The following DNTTIP2 variants were observed in gnomAD, a reference collection of about 807,000 sequenced individuals.
DNTTIP2 encodes deoxynucleotidyltransferase terminal interacting protein 2, also known as deoxynucleotidyltransferase terminal-interacting protein 2.
In DNTTIP2, 47 loss-of-function variants were observed where a neutral mutation model predicts 62.4. The ratio of observed to expected loss-of-function variants is 0.75; its 90% CI spans 0.60 to 0.96. The LOEUF is 0.96. DNTTIP2 is among the 40% of genes least tolerant of loss of function. DNTTIP2 has a pLI of 0.00. For missense variants in DNTTIP2, 870 were observed against 849.1 expected (o/e 1.02, Z -0.31); for synonymous variants, 322 against 300.9 (o/e 1.07, Z -0.73).
Position 93,867,069 on chromosome 1 carries a change from G to A in DNTTIP2, c.*2782C>T, listed in dbSNP as rs1220948180. ...CTGAGGCAGAATTGCTTGAACCCGG[G>A]AGGCGGAGGTTGCAGTGAACCAAGA... On this transcript the variant is annotated 3_prime_UTR_variant, in exon 7 of 7. Transcript: ENST00000436063. 1 of 149,936 alleles carries A rather than the reference G, an allele frequency of 6.7e-6. No homozygotes were observed. Among genetic ancestry groups the A allele is most frequent in the Non-Finnish European group, 1.5e-5 (1 of 67,760 alleles). The allele number at this position is 149,936 out of a possible 1,614,324, so 9.3% of individuals were successfully genotyped here. A position where few individuals can be genotyped will look rare whatever the true frequency, so the allele number is the denominator to read the frequency against.
Position 93,869,779 on chromosome 1 carries a change from G to T in DNTTIP2, c.*72C>A, listed in dbSNP as rs200223633. Reference sequence around the variant, plus strand: ...ATGGTAAATTAATTTAGATGATGGTGTTAGTTTTCCAAACGTCTTTAATAA... The same window carrying T: ...ATGGTAAATTAATTTAGATGATGGTTTTAGTTTTCCAAACGTCTTTAATAA... On this transcript the variant is annotated 3_prime_UTR_variant, in exon 7 of 7. Transcript: ENST00000436063. The T allele has an allele frequency of 4.1e-6, 3 of 726,096 alleles. No homozygotes were observed. Among genetic ancestry groups the T allele is most frequent in the Non-Finnish European group, 7.7e-6 (3 of 387,992 alleles). 45.0% of individuals were successfully genotyped at this position (726,096 alleles called of 1,614,324 possible).
In DNTTIP2 at chr1:93,870,797, G is replaced by A. The variant is rs1191161049; in HGVS notation, c.2068-5C>T. 1 of 1,496,090 alleles carries A rather than the reference G, an allele frequency of 6.7e-7. No individual in the cohort carries two copies. The highest frequency in any genetic ancestry group is 9.0e-7 in the Non-Finnish European group (1 of 1,105,218). 92.7% of individuals were successfully genotyped at this position (1,496,090 alleles called of 1,614,324 possible). On this transcript the variant is annotated splice_region_variant and splice_polypyrimidine_tract_variant and intron_variant, in intron 5 of 6. Transcript: ENST00000436063. ...ATTGTCAACAATGGTTCCAATCTGT[G>A]AACAATTGATTGAAATAAGTCATGC...
In DNTTIP2 at chr1:93,867,948, C is replaced by A. The variant is rs1009829435; in HGVS notation, c.*1903G>T. 6.6e-6 allele frequency: 1 copy of A among 152,050 alleles called. No homozygotes were observed. Among genetic ancestry groups the A allele is most frequent in the Non-Finnish European group, 1.5e-5 (1 of 68,020 alleles). The allele number at this position is 152,050 out of a possible 1,614,324, so 9.4% of individuals were successfully genotyped here. Reference sequence around the variant, plus strand: ...ATGAGATTTTGGACATAGGTATGGGCAGACTGCATGACTAAAACACCAAAA... The same window carrying A: ...ATGAGATTTTGGACATAGGTATGGGAAGACTGCATGACTAAAACACCAAAA... On this transcript the variant is annotated 3_prime_UTR_variant, in exon 7 of 7. Transcript: ENST00000436063.
rs1165633984 is a variant in DNTTIP2, at chr1:93,869,223, A to G, written c.*628T>C. The G allele has an allele frequency of 2.6e-5, 4 of 152,112 alleles. No homozygotes were observed. Among genetic ancestry groups the G allele is most frequent in the Non-Finnish European group, 4.4e-5 (3 of 68,044 alleles). 9.4% of individuals were successfully genotyped at this position (152,112 alleles called of 1,614,324 possible). A position where few individuals can be genotyped will look rare whatever the true frequency, so the allele number is the denominator to read the frequency against. ...CCCTGGCCAACTTAAATTATAGTTT[A>G]ATCCTGTTTTACTTGGACCACAACA... On this transcript the variant is annotated 3_prime_UTR_variant, in exon 7 of 7. Coordinates refer to ENST00000436063, the MANE Select transcript of DNTTIP2 (RefSeq NM_014597.5).
In DNTTIP2 at chr1:93,873,168, CAG is replaced by C; in HGVS notation, c.1851_1852del (p.His617GlnfsTer6). 1 of 1,612,880 alleles carries C rather than the reference CAG, an allele frequency of 6.2e-7. No homozygotes were observed. Among genetic ancestry groups the C allele is most frequent in the Non-Finnish European group, 8.5e-7 (1 of 1,179,360 alleles). On this transcript the variant is annotated frameshift_variant, in exon 4 of 7. Coordinates refer to ENST00000436063, the MANE Select transcript of DNTTIP2 (RefSeq NM_014597.5). LOFTEE classifies it high-confidence loss of function. ...CTTTGATTCACTATATGGTGGAACA[CAG>C]TGGTTTTTTTCAAAATCAGGTGTAA...
In DNTTIP2 at chr1:93,876,857, T is replaced by C. The variant is rs1338127405; in HGVS notation, c.1078A>G (p.Met360Val). ...GCAAATGTTTGAGTTAATGATTTCA[T>C]TACAGCCTCAGAGTTCAGATTAGAG... ...VHSNLNSEAV[M>V]KSLTQTFATV... Residue 360 changes from methionine to valine, a missense_variant, in exon 2 of 7, where the codon ATG becomes GTG. Physicochemically the swap from Met to Val is conservative, Grantham distance 21. Transcript: ENST00000436063. The C allele has an allele frequency of 6.2e-7, 1 of 1,613,898 alleles. No individual in the cohort carries two copies. The highest frequency in any genetic ancestry group is 8.5e-7 in the Non-Finnish European group (1 of 1,179,890).
Position 93,877,881 on chromosome 1 carries a change from A to G in DNTTIP2, c.73-19T>C, listed in dbSNP as rs1378091911. 2 of 1,592,548 alleles carry G rather than the reference A, an allele frequency of 1.3e-6. No homozygotes were observed. The highest frequency in any genetic ancestry group is 1.7e-6 in the Non-Finnish European group (2 of 1,175,980). ...CAAAACTCTGCAAACCAGAGAAAAC[A>G]CACTGTAATTTAGGTAGGGCTGGAA... On this transcript the variant is annotated intron_variant, in intron 1 of 6. Transcript: ENST00000436063.
intron 2 of DNTTIP2, 115 bp from the exon 3 acceptor site, chr1:93,875,898 GA>G (rs1311756569): frequency 2.7e-5 from 28 of 1,019,150 alleles, no homozygotes; most frequent in Non-Finnish European, 3.6e-5. Context: ...CCACAATAAA[GA>G]AAAAAAAGCA....
intron 4 of DNTTIP2, 65 bp from the exon 5 acceptor site, chr1:93,872,301 C>A: frequency 2.0e-6 from 3 of 1,489,968 alleles, no homozygotes; most frequent in Non-Finnish European, 2.7e-6. Context: ...ATTCATTTCC[C>A]CTGAAGTAAC....
At chr1:93,873,651 G>T (rs567022579) in intron 3 of DNTTIP2, among the ~76,000 whole-genome samples, 2 of 150,248 alleles carry the variant, frequency 1.3e-5, no homozygotes, top group South Asian at 4.2e-4. Flanking sequence ...GAAAAAAAAG[G>T]CCAGGCACGA....
chr1:93,876,505 C>T lies in DNTTIP2; in HGVS notation c.1430G>A (p.Gly477Glu), dbSNP rs41292661. Residue 477 changes from glycine to glutamate, a missense_variant, in exon 2 of 7, where the codon GGA (glycine) becomes GAA (glutamate). Transcript: ENST00000436063. ...ENSGQRESLS[G>E]DTGSLSCDNA... ...GTCACATGACAGACTTCCTGTGTCT[C>T]CACTTAATGACTCCCTTTGGCCACT... 37,149 of 1,613,958 alleles carry T rather than the reference C, an allele frequency of 0.023. 473 individuals are homozygous for T. Among genetic ancestry groups the T allele is most frequent in the Non-Finnish European group, 0.026 (31,111 of 1,179,866 alleles).
rs1407895731 is a variant in DNTTIP2, at chr1:93,868,152, T to C, written c.*1699A>G. 1 of 152,050 alleles carries C rather than the reference T, an allele frequency of 6.6e-6. No individual in the cohort carries two copies. Among genetic ancestry groups the C allele is most frequent in the African/African-American group, 2.4e-5 (1 of 41,398 alleles). The allele number at this position is 152,050 out of a possible 1,614,324, so 9.4% of individuals were successfully genotyped here. On this transcript the variant is annotated 3_prime_UTR_variant, in exon 7 of 7. Coordinates refer to ENST00000436063, the MANE Select transcript of DNTTIP2 (RefSeq NM_014597.5). ...AGAATCTACAAAGAACTTAAACAAA[T>C]TTACAAGAAAAAACCCCATCAAAAA...
chr1:93,871,845 T>C (rs1365553514), intron 5 of DNTTIP2, among the ~76,000 whole-genome samples: 1 of 152,234 alleles, frequency 6.6e-6, no homozygotes, highest in Non-Finnish European at 1.5e-5. Context: ...AGGTTTTAGC[T>C]GACCTGGAAA....
At position 93,877,727 on chromosome 1, in the gene DNTTIP2, T is replaced by C. The variant is rs1245663955; in HGVS notation, c.208A>G (p.Arg70Gly). The C allele has an allele frequency of 6.2e-7, 1 of 1,613,958 alleles. No individual in the cohort carries two copies. The highest frequency in any genetic ancestry group is 1.7e-5 in the Admixed American group (1 of 60,018). ...RTPKARKRKS[R>G]TTGSLPKGTE... ...CCCTTTGGTAGTGAGCCTGTAGTTCTGCTCTTCCTCTTTCTAGCTTTAGGA... is the reference window on the plus strand; with the variant it reads ...CCCTTTGGTAGTGAGCCTGTAGTTCCGCTCTTCCTCTTTCTAGCTTTAGGA... Residue 70 changes from arginine (R) to glycine (G), a missense_variant, in exon 2 of 7, where the codon AGA (arginine) becomes GGA (glycine). Coordinates refer to ENST00000436063, the MANE Select transcript of DNTTIP2 (RefSeq NM_014597.5).
chr1:93,866,987 T>C lies in DNTTIP2; in HGVS notation c.*2864A>G, dbSNP rs1655737016. On this transcript the variant is annotated 3_prime_UTR_variant, in exon 7 of 7. Coordinates refer to ENST00000436063, the MANE Select transcript of DNTTIP2 (RefSeq NM_014597.5). ...GGTGAAACCCCGTCTCTACTAAAAA[T>C]ACAAAAATTAGCCGGGTGTGGTGGT... is the stretch of plus-strand genomic sequence containing the variant. 1 of 151,584 alleles carries C rather than the reference T, an allele frequency of 6.6e-6. No homozygotes were observed. Among genetic ancestry groups the C allele is most frequent in the Non-Finnish European group, 1.5e-5 (1 of 67,988 alleles). 9.4% of individuals were successfully genotyped at this position (151,584 alleles called of 1,614,324 possible).
rs1196170584 is a variant in DNTTIP2 at position 93,875,768 on chromosome 1, G to A, written c.1683C>T (p.Ser561=). The stretch of plus-strand genomic sequence containing the variant: ...TACTCAGACCAGGGTCTATGCTGCT[G>A]CTTGTCAACTTCAGACTGAAAAAGA... ...STKAKLLKLT[S]SSIDPGLSIK... The change falls in exon 3 of 7, where the codon AGC becomes AGT. Residue 561 remains serine, a synonymous_variant. Transcript: ENST00000436063. 1 of 1,609,504 alleles carries A rather than the reference G, an allele frequency of 6.2e-7. No individual in the cohort carries two copies. Among genetic ancestry groups the A allele is most frequent in the Non-Finnish European group, 8.5e-7 (1 of 1,178,900 alleles).
intron 6 of DNTTIP2, 62 bp downstream of exon 6, chr1:93,870,621 A>G (rs1655833700): frequency 5.9e-6 from 5 of 843,728 alleles, no homozygotes; most frequent in East Asian, 2.9e-5. Context: ...TTGAAAATTT[A>G]TAAGTTTATA....
At chr1:93,878,472 A>C (rs1170915662) in intron 1 of DNTTIP2, 1 of 154,020 alleles carries the variant, frequency 6.5e-6, no homozygotes, top group Non-Finnish European at 1.4e-5. Context: ...CCTATAGAAG[A>C]GGGGAGAAAG....
intron 5 of DNTTIP2, chr1:93,871,096 C>A (rs1322165195): frequency 5.5e-6 from 1 of 182,106 alleles, no homozygotes; most frequent in Non-Finnish European, 1.1e-5. Flanking sequence ...TCTAGTTTCC[C>A]AAATCAATGA....
Sources: allele counts gnomAD v4.1 joint callset (sites outside exome capture counted in the v4.1 genomes callset), GRCh38; gene constraint gnomAD v4.1.1; transcripts MANE v1.5; gene names NCBI Gene and HGNC (gene_info 2026-07-23, HGNC 2026-07-21).